LMO7: variants seen among roughly 807,000 people sequenced by gnomAD.
LMO7 encodes the protein LIM domain 7, also known as LIM domain only protein 7.
Under a neutral mutation model 206.5 loss-of-function variants are expected in LMO7, and 120 were observed. That is an observed-to-expected ratio of 0.58 (90% CI 0.50 to 0.68). The LOEUF is 0.68. Ranked by LOEUF, LMO7 falls within the 30% of genes least tolerant of loss-of-function variation. The pLI is 0.00. For synonymous variants in LMO7, 706 were observed against 681.5 expected, an observed-to-expected ratio of 1.04 and a Z score of -0.56; for missense variants, 1,959 against 1,957.9, an observed-to-expected ratio of 1.00 and a Z score of -0.01.
At chr13:75,781,081 C>G (rs2051271802) in intron 4 of LMO7, among the ~76,000 whole-genome samples, 2 of 109,686 alleles carry the variant, frequency 1.8e-5, no homozygotes, top group Admixed American at 9.5e-5. Context: ...ATTTTTTTAA[C>G]CTTACTCTAT....
At chr13:75,630,493 T>G (rs1380136292) in intron 2 of LMO7, among the ~76,000 whole-genome samples, 2 of 152,226 alleles carry the variant, frequency 1.3e-5, no homozygotes, top group East Asian at 3.9e-4. Flanking sequence ...GGTAACATGA[T>G]GAAACACCGT....
chr13:75,852,998 A>G (rs2060617106), intron 27 of LMO7, 94 bp from the exon 28 acceptor site: 1 of 1,035,376 alleles, frequency 9.7e-7, no homozygotes, highest in Admixed American at 2.5e-5. Context: ...CATATAAAAT[A>G]TAAAAATGGA....
intron 3 of LMO7, among the ~76,000 whole-genome samples, chr13:75,735,137 G>A (rs1209475730): frequency 1.3e-5 from 2 of 150,296 alleles, no homozygotes; most frequent in Non-Finnish European, 3.0e-5. Context: ...GTGTGTGTGT[G>A]TGTGTATGTA....
At chr13:75,685,010 T>C (rs2040858635) in intron 1 of LMO7, among the ~76,000 whole-genome samples, 1 of 152,214 alleles carries the variant, frequency 6.6e-6, no homozygotes, top group Non-Finnish European at 1.5e-5. Flanking sequence ...GGGTTAACTC[T>C]GGTGAATTCC....
At chr13:75,736,927 A>T (rs2045875396) in intron 3 of LMO7, among the ~76,000 whole-genome samples, 1 of 152,194 alleles carries the variant, frequency 6.6e-6, no homozygotes, top group African/African-American at 2.4e-5. Flanking sequence ...AAATGAATGA[A>T]CAAGATTTCC....
rs1251711004 is a variant in LMO7, at chr13:75,819,490, A to T, written c.2162A>T (p.Lys721Met). The T allele has an allele frequency of 6.2e-7, 1 of 1,612,634 alleles. No homozygotes were observed. Among genetic ancestry groups the T allele is most frequent in the African/African-American group, 1.3e-5 (1 of 74,764 alleles). ...REEIEKQALEKSKRSSKTFKE... is the reference protein window; with the variant it reads ...REEIEKQALEMSKRSSKTFKE... ...GAAATTGAAAAGCAGGCACTTGAGAAGTCTAAGAGAAGCTCTAAGACGTTT... is the reference window on the plus strand; with the variant it reads ...GAAATTGAAAAGCAGGCACTTGAGATGTCTAAGAGAAGCTCTAAGACGTTT... The change falls in exon 13 of 31, where the codon AAG (lysine) becomes ATG (methionine). Residue 721 changes from lysine to methionine, a missense_variant. By Grantham distance (95) the Lys-to-Met change is moderately conservative. Coordinates refer to ENST00000377534, the MANE Select transcript of LMO7 (RefSeq NM_001306080.2).
intron 4 of LMO7, among the ~76,000 whole-genome samples, chr13:75,795,050 C>T (rs533124840): frequency 6.6e-6 from 1 of 152,024 alleles, no homozygotes; most frequent in East Asian, 1.9e-4. Flanking sequence ...CTGATCCCCC[C>T]TCATTGGGTT....
chr13:75,804,984 G>C, intron 8 of LMO7: 1 of 998,298 alleles, frequency 1.0e-6, no homozygotes, highest in Non-Finnish European at 1.2e-6. Context: ...GGACTCTGAG[G>C]ATGAACGAAG....
intron 1 of LMO7, among the ~76,000 whole-genome samples, chr13:75,650,408 G>A (rs965866736): frequency 6.6e-6 from 1 of 152,086 alleles, no homozygotes; most frequent in Non-Finnish European, 1.5e-5. Context: ...GATTACAGGC[G>A]TGAGTCATTG....
intron 2 of LMO7, among the ~76,000 whole-genome samples, chr13:75,626,102 ACTTGGTCT>A (rs1334124817): frequency 2.0e-5 from 3 of 152,234 alleles, no homozygotes; most frequent in Admixed American, 6.5e-5. Context: ...TAGGAATACA[ACTTGGTCT>A]CTTATCTCCA....
chr13:75,838,732 A>T (rs2059350730), intron 20 of LMO7, among the ~76,000 whole-genome samples: 3 of 152,120 alleles, frequency 2.0e-5, no homozygotes, highest in African/African-American at 4.8e-5. Context: ...ATTCAAAGTA[A>T]ATACATTTTG....
chr13:75,858,719 A>G lies in LMO7; in HGVS notation c.*776A>G, dbSNP rs1283370457. 6.6e-6 allele frequency: 1 copy of G among 152,646 alleles called. No homozygotes were observed. Among genetic ancestry groups the G allele is most frequent in the African/African-American group, 2.4e-5 (1 of 41,462 alleles). 9.5% of individuals were successfully genotyped at this position (152,646 alleles called of 1,614,324 possible). A position where few individuals can be genotyped will look rare whatever the true frequency, so the allele number is the denominator to read the frequency against. Reference sequence around the variant, plus strand: ...TTCTTAGGTGTATGTGTCTGACCTCAGGCCTTTTAGCCATATTTCAGTATG... The same window carrying G: ...TTCTTAGGTGTATGTGTCTGACCTCGGGCCTTTTAGCCATATTTCAGTATG... On this transcript the variant is annotated 3_prime_UTR_variant, in exon 31 of 31. Coordinates refer to ENST00000377534, the MANE Select transcript of LMO7 (RefSeq NM_001306080.2).
intron 3 of LMO7, among the ~76,000 whole-genome samples, chr13:75,731,208 T>G (rs1312514161): frequency 2.0e-5 from 3 of 152,212 alleles, no homozygotes; most frequent in African/African-American, 7.2e-5. Flanking sequence ...CTCGTTGATC[T>G]GCCTAATGTT....
intron 26 of LMO7, among the ~76,000 whole-genome samples, chr13:75,848,432 T>TATCTATC (rs1555348058): frequency 9.9e-4 from 2 of 2,018 alleles, no homozygotes; most frequent in East Asian, 0.077. Context: ...TCCATGCGAT[T>TATCTATC]ATCTATCTAT....
intron 3 of LMO7, among the ~76,000 whole-genome samples, chr13:75,738,845 C>G (rs545909552): frequency 5.9e-5 from 9 of 152,272 alleles, no homozygotes; most frequent in African/African-American, 2.2e-4. Context: ...GTAGAAACAT[C>G]AGGGAAGTCA....
intron 4 of LMO7, among the ~76,000 whole-genome samples, chr13:75,783,263 T>G (rs2051831596): frequency 6.6e-6 from 1 of 152,222 alleles, no homozygotes; most frequent in Non-Finnish European, 1.5e-5. Context: ...TCATCTAAGT[T>G]GGTTACACTT....
At chr13:75,636,280 G>T (rs1285592006), upstream of LMO7, 2 of 1,062,598 alleles carry the variant, frequency 1.9e-6, no homozygotes, top group East Asian at 1.0e-4. Context: ...GTGGGCCGGG[G>T]CGGGGCCACC....
chr13:75,730,571 A>G (rs1483361873), intron 3 of LMO7, among the ~76,000 whole-genome samples: 1 of 150,384 alleles, frequency 6.6e-6, no homozygotes, highest in South Asian at 2.1e-4. Flanking sequence ...GATCCTTTCA[A>G]AAAACCAGCT....
upstream of LMO7, among the ~76,000 whole-genome samples, chr13:75,633,959 T>A (rs1033331068): frequency 6.8e-6 from 1 of 147,470 alleles, no homozygotes; most frequent in Non-Finnish European, 1.5e-5. Context: ...GCGATTCTCC[T>A]GCCTCAGGCT....
Sources: allele counts gnomAD v4.1 joint callset (sites outside exome capture counted in the v4.1 genomes callset), GRCh38; gene constraint gnomAD v4.1.1; transcripts MANE v1.5; gene names NCBI Gene and HGNC (gene_info 2026-07-23, HGNC 2026-07-21).